PRKDC: variants seen among roughly 807,000 people sequenced by gnomAD.
PRKDC encodes the protein DNA-dependent protein kinase catalytic subunit.
Under a neutral mutation model 486.9 loss-of-function variants are expected in PRKDC, and 82 were observed. That is an observed-to-expected ratio of 0.17 (90% CI 0.14 to 0.20). PRKDC has a LOEUF of 0.20. Ranked by LOEUF, PRKDC falls within the 10% of genes least tolerant of loss-of-function variation. PRKDC has a pLI of 1.00. For synonymous variants in PRKDC, 1,895 were observed against 1,837.0 expected (o/e 1.03, Z -0.81); for missense variants, 4,504 against 5,038.2 (o/e 0.89, Z 3.21).
chr8:47,936,153 G>A (rs1369816085), intron 12 of PRKDC, among the ~76,000 whole-genome samples, 200 bp downstream of exon 12: 1 of 152,028 alleles, frequency 6.6e-6, no homozygotes, highest in Non-Finnish European at 1.5e-5. Flanking sequence ...AAGATGGAAG[G>A]AGAAACAAAT....
chr8:47,854,001 A>T (rs952729532), intron 51 of PRKDC, 82 bp downstream of exon 51: 28 of 1,535,136 alleles, frequency 1.8e-5, no homozygotes, highest in Non-Finnish European at 2.4e-5. Flanking sequence ...GGTCCTTAAA[A>T]TTATCAAAAC....
chr8:47,879,690 C>G (rs371786025), intron 38 of PRKDC, 32 bp from the exon 39 acceptor site: 24 of 1,481,966 alleles, frequency 1.6e-5, no homozygotes, highest in Non-Finnish European at 1.9e-5. Context: ...AGAAACTGCA[C>G]GAATTATGGC....
intron 31 of PRKDC, among the ~76,000 whole-genome samples, chr8:47,891,278 A>G (rs544165919): frequency 1.3e-5 from 2 of 152,356 alleles, no homozygotes; most frequent in African/African-American, 4.8e-5. Flanking sequence ...ATTGAGTAGG[A>G]AAGCCTTTTT....
At chr8:47,833,230 A>T (rs889281757) in intron 59 of PRKDC, among the ~76,000 whole-genome samples, 1 of 152,218 alleles carries the variant, frequency 6.6e-6, no homozygotes, top group African/African-American at 2.4e-5. Flanking sequence ...AGTATGAGAG[A>T]GTGGTGGAGT....
At chr8:47,900,335 G>T in intron 28 of PRKDC, 38 bp downstream of exon 28, 1 of 1,492,508 alleles carries the variant, frequency 6.7e-7, no homozygotes, top group Non-Finnish European at 9.1e-7. Context: ...AAACTCTTCA[G>T]ACCTGTAACG....
At chr8:47,868,833 T>C (rs935261082) in intron 40 of PRKDC, among the ~76,000 whole-genome samples, 27 of 152,204 alleles carry the variant, frequency 1.8e-4, no homozygotes, top group African/African-American at 4.8e-4. Flanking sequence ...CCAGCAGCAA[T>C]TGCACGCAGG....
intron 52 of PRKDC, among the ~76,000 whole-genome samples, chr8:47,851,655 T>C (rs2088406974): frequency 6.6e-6 from 1 of 152,142 alleles, no homozygotes; most frequent in South Asian, 2.1e-4. Context: ...TGGAGAATCA[T>C]GAACATAAAG....
chr8:47,795,401 G>C (rs1343625082), intron 73 of PRKDC, among the ~76,000 whole-genome samples: 3 of 151,344 alleles, frequency 2.0e-5, no homozygotes, highest in African/African-American at 4.9e-5. Flanking sequence ...ATGTAAGCCA[G>C]GATGGTCTCA....
Position 47,889,140 on chromosome 8 carries a change from T to C in PRKDC, c.4154A>G (p.Asn1385Ser), listed in dbSNP as rs2089400389. Residue 1385 changes from asparagine (N) to serine (S), a missense_variant, in exon 33 of 86, where the codon AAC becomes AGC. This residue lies in a region of PRKDC where 1,969 missense variants were observed against 2,068.9 expected (regional missense o/e 0.95). Transcript: ENST00000314191. ...TLCEPASIGF[N>S]IGDVQVMAHL... ...AGCCATAACCTGGACGTCTCCGATG[T>C]TGAAACCTATGCTTGCGGGCTCACA... is the stretch of plus-strand genomic sequence containing the variant. The C allele has an allele frequency of 6.2e-7, 1 of 1,614,030 alleles. No homozygotes were observed. Among genetic ancestry groups the C allele is most frequent in the Non-Finnish European group, 8.5e-7 (1 of 1,179,900 alleles).
intron 9 of PRKDC, 29 bp from the exon 10 acceptor site, chr8:47,943,395 AATCAGACGACATAACAC>A (rs1563816512): frequency 6.3e-7 from 1 of 1,575,638 alleles, no homozygotes; most frequent in Non-Finnish European, 8.6e-7. Context: ...TTATATTTAA[AATCAGACGACATAACAC>A]AGAACAGAAA....
At chr8:47,954,198 G>A (rs1464776568) in intron 5 of PRKDC, 140 bp downstream of exon 5, 6 of 466,468 alleles carry the variant, frequency 1.3e-5, no homozygotes, top group Non-Finnish European at 2.2e-5. Context: ...TTTTTGTTTG[G>A]TTCCATTTTG....
chr8:47,862,301 T>C, intron 43 of PRKDC, 72 bp downstream of exon 43: 1 of 1,471,070 alleles, frequency 6.8e-7, no homozygotes, highest in Non-Finnish European at 9.3e-7. Flanking sequence ...AAATTATCTG[T>C]AAGTTTGACT....
intron 40 of PRKDC, among the ~76,000 whole-genome samples, chr8:47,870,458 T>A (rs1356680947): frequency 6.6e-6 from 1 of 152,170 alleles, no homozygotes; most frequent in African/African-American, 2.4e-5. Context: ...CCTCTATAAG[T>A]CTGTAAGAAC....
intron 63 of PRKDC, among the ~76,000 whole-genome samples, chr8:47,825,773 A>G (rs1003337266): frequency 2.0e-5 from 3 of 152,148 alleles, no homozygotes; most frequent in Non-Finnish European, 4.4e-5. Flanking sequence ...TTCCTAGGTA[A>G]AATCAGCATA....
intron 71 of PRKDC, among the ~76,000 whole-genome samples, chr8:47,800,195 C>G (rs1464916077): frequency 6.6e-6 from 1 of 151,776 alleles, no homozygotes; most frequent in Non-Finnish European, 1.5e-5. Context: ...ATAGCAAAGA[C>G]TTGGAACCAA....
chr8:47,841,664 T>C (rs2088148282), intron 54 of PRKDC, among the ~76,000 whole-genome samples: 2 of 152,040 alleles, frequency 1.3e-5, no homozygotes, highest in South Asian at 2.1e-4. Context: ...GAACACTGAG[T>C]AGAGTGAGAC....
At chr8:47,957,868 T>C (rs1353877293) in intron 1 of PRKDC, among the ~76,000 whole-genome samples, 1 of 152,168 alleles carries the variant, frequency 6.6e-6, no homozygotes, top group East Asian at 1.9e-4. Flanking sequence ...TAACCCAAGG[T>C]TGCTGTATTA....
rs376843292 is a variant in PRKDC at position 47,954,378 on chromosome 8, G to T, written c.468C>A (p.Phe156Leu). Residue 156 changes from phenylalanine (F) to leucine (L), a missense_variant, in exon 5 of 86, where the codon TTC (phenylalanine) becomes TTA (leucine). By Grantham distance (22) the Phe-to-Leu change is conservative (BLOSUM62 0). This residue lies in a region of PRKDC where 1,969 missense variants were observed against 2,068.9 expected (regional missense o/e 0.95). Transcript: ENST00000314191. ...TTTTTTTCAATGCAAGTTCTCCATA[G>T]AATTTACTAAATAATTCTCCAATTT... ...EFKIGELFSK[F>L]YGELALKKKI... The T allele has an allele frequency of 2.2e-6, 3 of 1,362,718 alleles. No homozygotes were observed. Among genetic ancestry groups the T allele is most frequent in the Non-Finnish European group, 3.0e-6 (3 of 1,004,016 alleles). 84.4% of individuals were successfully genotyped at this position (1,362,718 alleles called of 1,614,324 possible).
rs2089384490 is a variant in PRKDC, at chr8:47,888,502, A to T, written c.4413+16T>A. On this transcript the variant is annotated intron_variant, in intron 34 of 85. Coordinates refer to ENST00000314191, the MANE Select transcript of PRKDC (RefSeq NM_006904.7). Reference sequence around the variant, plus strand: ...CTAAAGCTAAAATAAATGTAAAAACAATAAGTTATAGTTACCTGAGACGGT... The same window carrying T: ...CTAAAGCTAAAATAAATGTAAAAACTATAAGTTATAGTTACCTGAGACGGT... The T allele has an allele frequency of 6.7e-7, 1 of 1,492,426 alleles. No homozygotes were observed. Among genetic ancestry groups the T allele is most frequent in the East Asian group, 2.5e-5 (1 of 40,016 alleles). 92.4% of individuals were successfully genotyped at this position (1,492,426 alleles called of 1,614,324 possible). A position where few individuals can be genotyped will look rare whatever the true frequency, so the allele number is the denominator to read the frequency against.
Sources: allele counts gnomAD v4.1 joint callset (sites outside exome capture counted in the v4.1 genomes callset), GRCh38; gene constraint gnomAD v4.1.1; regional missense constraint gnomAD v4.1.1; transcripts MANE v1.5; gene names NCBI Gene and HGNC (gene_info 2026-07-23, HGNC 2026-07-21).